Variants in LARP4B observed in about 807,000 individuals in gnomAD.
LARP4B encodes la-related protein 4B.
A neutral mutation model predicts 89.8 loss-of-function variants in LARP4B; 12 were observed. The ratio of observed to expected loss-of-function variants is 0.13; its 90% CI spans 0.09 to 0.22. The LOEUF (loss-of-function observed/expected upper bound fraction) is 0.22. Among genes scored for constraint, LARP4B ranks in the 10% least tolerant of loss-of-function variants. The probability of loss-of-function intolerance (pLI) is 1.00; values close to 1 mark genes in which losing one functional copy is unlikely to be tolerated. For missense variants in LARP4B, 757 were observed against 947.7 expected, an observed-to-expected ratio of 0.80 and a Z score of 2.64; for synonymous variants, 367 against 363.3, an observed-to-expected ratio of 1.01 and a Z score of -0.12.
chr10:884,780 T>G (rs1183455217), intron 2 of LARP4B, among the ~76,000 whole-genome samples: 5 of 152,160 alleles, frequency 3.3e-5, no homozygotes, highest in African/African-American at 1.2e-4. Flanking sequence ...TATTACTGCT[T>G]GACATAAAAT....
chr10:911,616 T>C (rs1836667001), intron 1 of LARP4B, among the ~76,000 whole-genome samples: 1 of 152,156 alleles, frequency 6.6e-6, no homozygotes, highest in Non-Finnish European at 1.5e-5. Flanking sequence ...CATGAAGAAA[T>C]CTAGAGGACA....
At chr10:905,813 T>C (rs1276561439) in intron 1 of LARP4B, among the ~76,000 whole-genome samples, 5 of 152,216 alleles carry the variant, frequency 3.3e-5, no homozygotes, top group East Asian at 3.9e-4. Flanking sequence ...CCCAGAAAAC[T>C]TTCCTTCTAC....
At chr10:864,320 C>G (rs1402492754) in intron 3 of LARP4B, 50 bp from the exon 4 acceptor site, 1 of 1,589,322 alleles carries the variant, frequency 6.3e-7, no homozygotes, top group Non-Finnish European at 8.6e-7. Flanking sequence ...CAACCAAATA[C>G]AATTTTACTC....
At chr10:862,801 T>C (rs1302812703) in intron 5 of LARP4B, among the ~76,000 whole-genome samples, 1 of 152,002 alleles carries the variant, frequency 6.6e-6, no homozygotes, top group Non-Finnish European at 1.5e-5. Flanking sequence ...GCATTTCCAG[T>C]AACGTGTGGT....
the LARP4B span, among the ~76,000 whole-genome samples, chr10:976,527 G>A: frequency 2.9e-4 from 44 of 149,380 alleles, no homozygotes; most frequent in South Asian, 7.3e-3. Flanking sequence ...CGTAATGTGC[G>A]GCCCGGCCTA....
chr10:877,416 G>A (rs1262326146), intron 3 of LARP4B, among the ~76,000 whole-genome samples: 1 of 130,030 alleles, frequency 7.7e-6, no homozygotes, highest in East Asian at 2.3e-4. Flanking sequence ...CCTTTCAGAT[G>A]GCTGAAAGAG....
At chr10:921,910 T>C (rs1469792643) in intron 1 of LARP4B, among the ~76,000 whole-genome samples, 1 of 152,196 alleles carries the variant, frequency 6.6e-6, no homozygotes, top group African/African-American at 2.4e-5. Context: ...GCTTCCCATA[T>C]TCATTCTTTG....
chr10:981,227 A>G, the LARP4B span, among the ~76,000 whole-genome samples: 1 of 152,190 alleles, frequency 6.6e-6, no homozygotes, highest in Non-Finnish European at 1.5e-5. Context: ...CCATATCACT[A>G]TCAGTATTTC....
upstream of LARP4B, among the ~76,000 whole-genome samples, chr10:932,375 C>T (rs112000211): frequency 0.062 from 5,823 of 93,714 alleles, 53 homozygotes; most frequent in Non-Finnish European, 0.097. Flanking sequence ...GGGACCAAGG[C>T]CCCGGCCCTG....
the LARP4B span, among the ~76,000 whole-genome samples, chr10:941,041 C>A: frequency 6.6e-6 from 1 of 152,044 alleles, no homozygotes; most frequent in Non-Finnish European, 1.5e-5. Context: ...ACGAGGAGGT[C>A]AGGTTGTTTG....
At chr10:846,089 T>C (rs968774777) in intron 5 of LARP4B, among the ~76,000 whole-genome samples, 2 of 151,946 alleles carry the variant, frequency 1.3e-5, no homozygotes, top group Non-Finnish European at 2.9e-5. Flanking sequence ...AGACTGAAAA[T>C]GGAAAATTGA....
intron 9 of LARP4B, 44 bp from the exon 10 acceptor site, chr10:829,778 T>C (rs1832803925): frequency 1.5e-6 from 2 of 1,379,176 alleles, no homozygotes; most frequent in African/African-American, 1.4e-5. Flanking sequence ...ATTAACCTTA[T>C]GAATAAGAGG....
At chr10:936,095 G>A (rs549798564), upstream of LARP4B, among the ~76,000 whole-genome samples, 7 of 152,168 alleles carry the variant, frequency 4.6e-5, no homozygotes, top group South Asian at 8.3e-4. Context: ...ATGTGTAGCC[G>A]CATTGCTCAA....
intron 1 of LARP4B, among the ~76,000 whole-genome samples, chr10:889,251 T>C (rs1212193538): frequency 6.6e-6 from 1 of 152,154 alleles, no homozygotes; most frequent in Non-Finnish European, 1.5e-5. Flanking sequence ...TATTGATTCA[T>C]TCATTTCTCA....
At chr10:914,049 ATATC>A (rs1262382841) in intron 1 of LARP4B, among the ~76,000 whole-genome samples, 2 of 152,352 alleles carry the variant, frequency 1.3e-5, no homozygotes, top group Middle Eastern at 3.4e-3. Context: ...TAATCATAAA[ATATC>A]TATCTCATTT....
intron 1 of LARP4B, among the ~76,000 whole-genome samples, chr10:920,026 C>T (rs1234921484): frequency 6.6e-6 from 1 of 152,192 alleles, no homozygotes; most frequent in East Asian, 1.9e-4. Context: ...TTTTAAAAAG[C>T]ACAGTCTAAT....
At chr10:936,957 G>A in the LARP4B span, among the ~76,000 whole-genome samples, 1 of 152,208 alleles carries the variant, frequency 6.6e-6, no homozygotes, top group Non-Finnish European at 1.5e-5. Context: ...ACGTGAGTGG[G>A]TAAGTAAAAA....
At chr10:910,067 C>G (rs1564442211) in intron 1 of LARP4B, among the ~76,000 whole-genome samples, 1 of 152,178 alleles carries the variant, frequency 6.6e-6, no homozygotes. Context: ...CCATGCTGAG[C>G]AGAATTGTTT....
In LARP4B at chr10:814,555, T is replaced by C. The variant is rs895219216; in HGVS notation, c.1929+187A>G. 6 of 1,298,320 alleles carry C rather than the reference T, an allele frequency of 4.6e-6. No homozygotes were observed. The African/African-American group carries it at 7.4e-5, about 16-fold the overall frequency. 80.4% of individuals were successfully genotyped at this position (1,298,320 alleles called of 1,614,324 possible). On this transcript the variant is annotated intron_variant, in intron 17 of 17. Coordinates refer to ENST00000316157, the MANE Select transcript of LARP4B (RefSeq NM_015155.3). This position sits in a 1 kb window ranked among gnomAD's most constrained non-coding sequence, Gnocchi z 4.4. Reference sequence around the variant, plus strand: ...ATGGTGGTCTGAGAAAGAACTAGAGTAGTTAGTGGAAAATTATTAGCAAAT... The same window carrying C: ...ATGGTGGTCTGAGAAAGAACTAGAGCAGTTAGTGGAAAATTATTAGCAAAT...
Sources: allele counts gnomAD v4.1 joint callset (sites outside exome capture counted in the v4.1 genomes callset), GRCh38; gene constraint gnomAD v4.1.1; non-coding constraint Gnocchi (gnomAD v3.1); transcripts MANE v1.5; gene names NCBI Gene and HGNC (gene_info 2026-07-23, HGNC 2026-07-21).